GRIK3: variants seen among roughly 807,000 people sequenced by gnomAD.
GRIK3 encodes the protein glutamate ionotropic receptor kainate type subunit 3.
Under a neutral mutation model 102.5 loss-of-function variants are expected in GRIK3, and 29 were observed. That is an observed-to-expected ratio of 0.28 (90% CI 0.21 to 0.39). The LOEUF is 0.39. Among genes scored for constraint, GRIK3 ranks in the 10% least tolerant of loss-of-function variants. GRIK3 has a pLI of 1.00. For missense variants in GRIK3, 908 were observed against 1,252.4 expected, an observed-to-expected ratio of 0.73 and a Z score of 4.15; for synonymous variants, 511 against 504.9, an observed-to-expected ratio of 1.01 and a Z score of -0.16.
rs1168803755 is a variant in GRIK3 at position 36,893,374 on chromosome 1, G to A, written c.116-2278C>T. 3.9e-5 allele frequency among the ~76,000 whole-genome samples: 6 copies of A among 152,260 alleles called. No individual in the cohort carries two copies. In the East Asian group the frequency reaches 5.8e-4, roughly 15 times the overall value. ...TCCCATAGAAAAATGTGCAAAGGAC[G>A]AGTATGAACCTTTAACAAAAGAAAA... On this transcript the variant is annotated intron_variant, in intron 1 of 15. Coordinates refer to ENST00000373091, the MANE Select transcript of GRIK3 (RefSeq NM_000831.4).
chr1:36,876,628 A>G (rs1385405930), intron 3 of GRIK3, among the ~76,000 whole-genome samples: 1 of 152,212 alleles, frequency 6.6e-6, no homozygotes, highest in Non-Finnish European at 1.5e-5. Flanking sequence ...AAACATCCTG[A>G]TGGACACAAT....
chr1:36,881,015 T>G, intron 2 of GRIK3, 124 bp from the exon 3 acceptor site: 1 of 1,006,644 alleles, frequency 9.9e-7, no homozygotes, highest in South Asian at 1.6e-5. Context: ...GGGTGCACAA[T>G]GGATGAGCTC....
intron 1 of GRIK3, among the ~76,000 whole-genome samples, chr1:37,017,369 TAA>T (rs774819790): frequency 1.2e-3 from 57 of 48,520 alleles, no homozygotes; most frequent in African/African-American, 4.4e-3. Context: ...CCCTGTCTCT[TAA>T]AAAAAAAAAA....
At chr1:36,822,666 A>C (rs898484734) in intron 11 of GRIK3, among the ~76,000 whole-genome samples, 1 of 152,100 alleles carries the variant, frequency 6.6e-6, no homozygotes, top group Non-Finnish European at 1.5e-5. Flanking sequence ...AGTGTGGAGG[A>C]GGAGACAGGG....
At chr1:36,963,742 A>T (rs1034989838) in intron 1 of GRIK3, among the ~76,000 whole-genome samples, 1 of 152,156 alleles carries the variant, frequency 6.6e-6, no homozygotes, top group Non-Finnish European at 1.5e-5. Flanking sequence ...TTAGGAAACA[A>T]TCCCCAGTGA....
At chr1:36,889,322 G>A (rs1350921551) in intron 2 of GRIK3, among the ~76,000 whole-genome samples, 1 of 151,570 alleles carries the variant, frequency 6.6e-6, no homozygotes, top group Non-Finnish European at 1.5e-5. Context: ...GGCAGCATGT[G>A]CGGAAGCCCA....
Position 37,027,200 on chromosome 1 carries a change from C to T in GRIK3, c.115+6794G>A, listed in dbSNP as rs189513259. 5.9e-4 allele frequency among the ~76,000 whole-genome samples: 90 copies of T among 151,986 alleles called. No individual in the cohort carries two copies. The South Asian group carries it at 7.7e-3, about 13-fold the overall frequency. On this transcript the variant is annotated intron_variant, in intron 1 of 15. Coordinates refer to ENST00000373091, the MANE Select transcript of GRIK3 (RefSeq NM_000831.4). ...GGAGAGGCAGTGTGGACCCTGGAGG[C>T]GATTTCCAAAGGAAATAAAACAAAG...
chr1:36,927,478 G>A (rs929741187), intron 1 of GRIK3, among the ~76,000 whole-genome samples: 4 of 152,000 alleles, frequency 2.6e-5, no homozygotes, highest in African/African-American at 4.8e-5. Flanking sequence ...AACAGGCCCC[G>A]TGTCAAGGAA....
chr1:36,854,473 GA>G (rs1192667773), intron 7 of GRIK3, among the ~76,000 whole-genome samples: 1 of 152,170 alleles, frequency 6.6e-6, no homozygotes, highest in Non-Finnish European at 1.5e-5. Context: ...ACAGAGAGAG[GA>G]AGGCAGAGGT....
At chr1:36,876,791 T>A (rs1307266390) in intron 3 of GRIK3, among the ~76,000 whole-genome samples, 1 of 152,222 alleles carries the variant, frequency 6.6e-6, no homozygotes, top group Non-Finnish European at 1.5e-5. Context: ...ATTATTTGGC[T>A]GAAGCCAAAC....
intron 6 of GRIK3, among the ~76,000 whole-genome samples, chr1:36,859,576 G>T (rs899641347): frequency 2.0e-5 from 3 of 149,130 alleles, no homozygotes; most frequent in Admixed American, 6.8e-5. Flanking sequence ...CACAGCCTGA[G>T]TTCCTCTGTG....
At chr1:36,925,581 G>C (rs1641518534) in intron 1 of GRIK3, among the ~76,000 whole-genome samples, 1 of 152,272 alleles carries the variant, frequency 6.6e-6, no homozygotes, top group Admixed American at 6.5e-5. Flanking sequence ...CCAAGAACTT[G>C]TCTCTGGCCT....
Position 36,806,105 on chromosome 1 carries a change from C to T in GRIK3, c.2313G>A (p.Met771Ile). ...TCCCACAGGCAGCCCCTCGCTCACC[C>T]ATGGGCGTGCCGATGCCGTAGCCCT... is the stretch of plus-strand genomic sequence containing the variant. Reference protein sequence around the residue: ...DSKGYGIGTPMGSPYRDKITI... With the variant: ...DSKGYGIGTPIGSPYRDKITI... Residue 771 changes from methionine to isoleucine, a missense_variant and splice_region_variant, in exon 14 of 16, where the codon ATG (methionine) becomes ATA (isoleucine). Physicochemically the swap from Met to Ile is conservative, Grantham distance 10. Around this residue, in one of 3 missense-constraint regions of GRIK3, gnomAD observed 297 missense variants for 362.7 expected, o/e 0.82. Coordinates refer to ENST00000373091, the MANE Select transcript of GRIK3 (RefSeq NM_000831.4). This position sits in a 1 kb window ranked among gnomAD's most constrained non-coding sequence, Gnocchi z 4.0. The T allele has an allele frequency of 1.2e-6, 2 of 1,612,632 alleles. No individual in the cohort carries two copies. The highest frequency in any genetic ancestry group is 1.7e-6 in the Non-Finnish European group (2 of 1,178,802).
intron 1 of GRIK3, among the ~76,000 whole-genome samples, chr1:36,969,362 A>C (rs935215923): frequency 6.6e-6 from 1 of 152,190 alleles, no homozygotes. Context: ...CAAATCTGCC[A>C]CCTGGGAGCA....
intron 1 of GRIK3, among the ~76,000 whole-genome samples, chr1:36,969,995 G>A (rs1642124315): frequency 6.6e-6 from 1 of 152,206 alleles, no homozygotes. Context: ...ATCTCCAATG[G>A]CAGTGTGAAG....
intron 9 of GRIK3, among the ~76,000 whole-genome samples, chr1:36,844,781 T>C (rs1016571191): frequency 6.6e-6 from 1 of 152,214 alleles, no homozygotes; most frequent in Non-Finnish European, 1.5e-5. Flanking sequence ...CTTATCTTTT[T>C]CTTGTATGCT....
rs1044861529 is a variant in GRIK3, at chr1:36,800,710, C to T, written c.*1141G>A. 1 of 152,228 alleles carries T rather than the reference C, an allele frequency of 6.6e-6. No individual in the cohort carries two copies. The highest frequency in any genetic ancestry group is 1.5e-5 in the Non-Finnish European group (1 of 68,046). The allele number at this position is 152,228 out of a possible 1,614,324, so 9.4% of individuals were successfully genotyped here. On this transcript the variant is annotated 3_prime_UTR_variant, in exon 16 of 16. Coordinates refer to ENST00000373091, the MANE Select transcript of GRIK3 (RefSeq NM_000831.4). Reference sequence around the variant, plus strand: ...TGGTAAGTCCAGGAGACCAGAAGTTCTTTTGGTCTCTTCTGGTTTCCCTCA... The same window carrying T: ...TGGTAAGTCCAGGAGACCAGAAGTTTTTTTGGTCTCTTCTGGTTTCCCTCA...
In GRIK3 at chr1:37,020,270, G is replaced by C. The variant is rs528017817; in HGVS notation, c.115+13724C>G. On this transcript the variant is annotated intron_variant, in intron 1 of 15. Coordinates refer to ENST00000373091, the MANE Select transcript of GRIK3 (RefSeq NM_000831.4). The stretch of plus-strand genomic sequence containing the variant: ...TCCAGGTGGTAGAGCACCTGGAACC[G>C]CTGGGGTTGTTTAGGGAATGCCACC... 1.3e-5 allele frequency among the ~76,000 whole-genome samples: 2 copies of C among 152,108 alleles called. 1 individual carries two copies. Among genetic ancestry groups the C allele is most frequent in the Non-Finnish European group, 2.9e-5 (2 of 68,014 alleles).
chr1:36,963,218 C>A (rs1642034664), intron 1 of GRIK3, among the ~76,000 whole-genome samples: 1 of 152,196 alleles, frequency 6.6e-6, no homozygotes, highest in South Asian at 2.1e-4. Flanking sequence ...GCTGGCAGGA[C>A]TCTCTCCTTT....
Sources: gnomAD v4.1 joint callset for allele counts (sites outside exome capture counted in the v4.1 genomes callset) on GRCh38, gnomAD v4.1.1 for gene constraint, gnomAD v4.1.1 regional missense constraint, Gnocchi (gnomAD v3.1) non-coding constraint, MANE v1.5 for transcripts, NCBI Gene and HGNC (gene_info 2026-07-23, HGNC 2026-07-21) for gene names.